GLE1: variants seen among roughly 807,000 people sequenced by gnomAD.
GLE1 encodes GLE1 RNA export mediator, also known as mRNA export factor GLE1.
A neutral mutation model predicts 97.3 loss-of-function variants in GLE1; 78 were observed. The ratio of observed to expected loss-of-function variants is 0.80; its 90% CI spans 0.67 to 0.97. The LOEUF (loss-of-function observed/expected upper bound fraction) is 0.97. Among genes scored for constraint, GLE1 ranks in the 50% least tolerant of loss-of-function variants. The probability of loss-of-function intolerance (pLI) is 0.00; values close to 1 mark genes in which losing one functional copy is unlikely to be tolerated. For synonymous variants in GLE1, 302 were observed against 313.4 expected, an observed-to-expected ratio of 0.96 and a Z score of 0.39; for missense variants, 753 against 857.5, an observed-to-expected ratio of 0.88 and a Z score of 1.52.
rs762813218 is a variant in GLE1 at position 128,540,316 on chromosome 9, T to TA, written c.2007dup (p.Arg670ThrfsTer77). 1 of 1,610,216 alleles carries TA rather than the reference T, an allele frequency of 6.2e-7. No individual in the cohort carries two copies. Among genetic ancestry groups the TA allele is most frequent in the South Asian group, 1.1e-5 (1 of 90,982 alleles). ...AGCTCAGGACAGATGGGCTCCTTCA[T>TA]ACGCCTCAAGCAGTTCTTGGAGGTA... On this transcript the variant is annotated frameshift_variant, in exon 15 of 16. Coordinates refer to ENST00000309971, the MANE Select transcript of GLE1 (RefSeq NM_001003722.2). LOFTEE classifies it high-confidence loss of function.
At position 128,525,362 on chromosome 9, in the gene GLE1, A is replaced by G. The variant is rs2132465755; in HGVS notation, c.1068A>G (p.Gly356=). The G allele has an allele frequency of 1.9e-6, 3 of 1,613,224 alleles. No homozygotes were observed. The highest frequency in any genetic ancestry group is 2.2e-5 in the East Asian group (1 of 44,860). Residue 356 remains glycine, a synonymous_variant, in exon 7 of 16, where the codon GGA becomes GGG. Coordinates refer to ENST00000309971, the MANE Select transcript of GLE1 (RefSeq NM_001003722.2). ...TGCAAGAGGCACAGATGCAGCAGGG[A>G]CCAGAGGCCCACAAAGAGCCCCCAG... The part of the protein sequence containing the change: ...VKLQEAQMQQ[G]PEAHKEPPAP...
intron 9 of GLE1, among the ~76,000 whole-genome samples, chr9:128,529,510 T>C (rs1409146234): frequency 2.6e-5 from 4 of 152,222 alleles, no homozygotes. Context: ...TAAATATATG[T>C]GAGCCCCTCA....
At chr9:128,526,358 T>C (rs1847300424) in intron 7 of GLE1, among the ~76,000 whole-genome samples, 1 of 151,816 alleles carries the variant, frequency 6.6e-6, no homozygotes, top group African/African-American at 2.4e-5. Flanking sequence ...GTTTTGTTTT[T>C]GTTTTTGTTT....
rs1168451886 is a variant in GLE1, at chr9:128,527,302, G to A, written c.1242+11G>A. The A allele has an allele frequency of 1.3e-6, 2 of 1,481,604 alleles. No individual in the cohort carries two copies. Among genetic ancestry groups the A allele is most frequent in the Admixed American group, 1.7e-5 (1 of 59,846 alleles). 91.8% of individuals were successfully genotyped at this position (1,481,604 alleles called of 1,614,324 possible). A position where few individuals can be genotyped will look rare whatever the true frequency, so the allele number is the denominator to read the frequency against. ...AGCAAGGACAGTCAGGTAGGGGAGA[G>A]GTATATGGCAGTAATTTTGTGGACT... On this transcript the variant is annotated intron_variant, in intron 8 of 15. Coordinates refer to ENST00000309971, the MANE Select transcript of GLE1 (RefSeq NM_001003722.2).
chr9:128,508,561 G>T (rs1370013127), intron 1 of GLE1, among the ~76,000 whole-genome samples: 2 of 152,182 alleles, frequency 1.3e-5, no homozygotes, highest in Non-Finnish European at 2.9e-5. Flanking sequence ...TGTGTATACA[G>T]TAGCTTACTT....
At chr9:128,535,973 C>CA (rs1013694188) in intron 11 of GLE1, among the ~76,000 whole-genome samples, 30 of 151,684 alleles carry the variant, frequency 2.0e-4, no homozygotes, top group Admixed American at 3.3e-4. Flanking sequence ...CTCTGTTTCC[C>CA]AAAAAAAAGC....
intron 2 of GLE1, among the ~76,000 whole-genome samples, chr9:128,513,508 G>C (rs1247418107): frequency 6.6e-6 from 1 of 151,920 alleles, no homozygotes; most frequent in Non-Finnish European, 1.5e-5. Context: ...TTTGAGCTCA[G>C]GCATTCGAGA....
intron 3 of GLE1, among the ~76,000 whole-genome samples, chr9:128,518,658 G>A (rs531743250): frequency 5.4e-5 from 8 of 148,502 alleles, no homozygotes; most frequent in Admixed American, 3.4e-4. Flanking sequence ...TCACGAGGTC[G>A]GGAGTTCGAG....
At chr9:128,536,520 T>G in intron 12 of GLE1, 36 bp downstream of exon 12, 3 of 1,580,210 alleles carry the variant, frequency 1.9e-6, no homozygotes, top group South Asian at 2.2e-5. Context: ...TAATGAGAGG[T>G]TAGACCACAG....
In GLE1 at chr9:128,539,699, G is replaced by A; in HGVS notation, c.1964+1G>A. On this transcript the variant is annotated splice_donor_variant, in intron 14 of 15. Coordinates refer to ENST00000309971, the MANE Select transcript of GLE1 (RefSeq NM_001003722.2). LOFTEE classifies it high-confidence loss of function. ...TCATCAAAGAGGACTACTTTCCCAG[G>A]TATCAGGCTTGTTGAGCAGACAGCA... The A allele has an allele frequency of 6.2e-7, 1 of 1,613,488 alleles. No homozygotes were observed. The highest frequency in any genetic ancestry group is 8.5e-7 in the Non-Finnish European group (1 of 1,179,450).
chr9:128,524,554 T>A (rs953460424), intron 6 of GLE1, among the ~76,000 whole-genome samples: 1 of 134,264 alleles, frequency 7.4e-6, no homozygotes, highest in Non-Finnish European at 1.6e-5. Context: ...TTTTTTTTTT[T>A]TTTTTTTTTT....
chr9:128,525,041 C>T, intron 6 of GLE1, 151 bp from the exon 7 acceptor site: 2 of 703,960 alleles, frequency 2.8e-6, no homozygotes, highest in South Asian at 3.0e-5. Flanking sequence ...ATTATTAATA[C>T]CTTTAAGAGA....
In GLE1 at chr9:128,505,671, A is replaced by G. The variant is rs141383626; in HGVS notation, c.99+767A>G. ...CTCAGTAAGTCACATGAGGAGGCAC[A>G]CAGATGTCAACCCATCCCAACACTG... is the stretch of plus-strand genomic sequence containing the variant. On this transcript the variant is annotated intron_variant, in intron 1 of 15. Coordinates refer to ENST00000309971, the MANE Select transcript of GLE1 (RefSeq NM_001003722.2). 6.1e-3 allele frequency among the ~76,000 whole-genome samples: 925 copies of G among 152,344 alleles called. 4 individuals are homozygous for G. Among genetic ancestry groups the G allele is most frequent in the Admixed American group, 9.3e-3 (143 of 15,298 alleles).
At chr9:128,538,728 C>G (rs1486948143) in intron 13 of GLE1, among the ~76,000 whole-genome samples, 1 of 152,044 alleles carries the variant, frequency 6.6e-6, no homozygotes, top group Non-Finnish European at 1.5e-5. Flanking sequence ...CAGGATCTCA[C>G]TCTGTCAGCC....
At chr9:128,531,525 CAA>C (rs78169276) in intron 9 of GLE1, among the ~76,000 whole-genome samples, 12 of 92,250 alleles carry the variant, frequency 1.3e-4, no homozygotes, top group South Asian at 3.3e-4. Context: ...GACTTCATCT[CAA>C]AAAAAAAAAA....
At chr9:128,514,122 G>A (rs1022950979) in intron 2 of GLE1, among the ~76,000 whole-genome samples, 1 of 151,812 alleles carries the variant, frequency 6.6e-6, no homozygotes. Flanking sequence ...AGGCTTGCCT[G>A]AGACTAGGAG....
chr9:128,507,993 A>G (rs1395581498), intron 1 of GLE1, among the ~76,000 whole-genome samples: 2 of 152,176 alleles, frequency 1.3e-5, no homozygotes, highest in African/African-American at 4.8e-5. Context: ...CAGCCTGACT[A>G]ACATGGAGAA....
chr9:128,530,106 C>T (rs1847445350), intron 9 of GLE1, among the ~76,000 whole-genome samples: 1 of 152,070 alleles, frequency 6.6e-6, no homozygotes, highest in Non-Finnish European at 1.5e-5. Flanking sequence ...GGGATCTACT[C>T]TTATCCTGCA....
intron 3 of GLE1, among the ~76,000 whole-genome samples, chr9:128,519,920 C>T (rs1470478630): frequency 1.3e-5 from 2 of 152,094 alleles, no homozygotes; most frequent in African/African-American, 4.8e-5. Context: ...CTGGCCAATG[C>T]TTAGGGAAAA....
Sources: gnomAD v4.1 joint callset for allele counts (sites outside exome capture counted in the v4.1 genomes callset) on GRCh38, gnomAD v4.1.1 for gene constraint, MANE v1.5 for transcripts, NCBI Gene and HGNC (gene_info 2026-07-23, HGNC 2026-07-21) for gene names.